The following SNX27 variants were observed in gnomAD, a reference collection of about 807,000 sequenced individuals.
SNX27 encodes the protein sorting nexin 27, also known as sorting nexin-27.
Under a neutral mutation model 71.6 loss-of-function variants are expected in SNX27, and 22 were observed. The ratio of observed to expected loss-of-function variants is 0.31; its 90% CI spans 0.22 to 0.44. The LOEUF is 0.44. Ranked by LOEUF, SNX27 falls within the 20% of genes least tolerant of loss-of-function variation. The pLI, the probability that SNX27 is intolerant of heterozygous loss-of-function variation, is 1.00. For missense variants in SNX27, 531 were observed against 698.6 expected, an observed-to-expected ratio of 0.76 and a Z score of 2.70; for synonymous variants, 269 against 277.2, an observed-to-expected ratio of 0.97 and a Z score of 0.29.
intron 1 of SNX27, among the ~76,000 whole-genome samples, chr1:151,632,206 G>C (rs1383124551): frequency 6.6e-6 from 1 of 151,590 alleles, no homozygotes; most frequent in Non-Finnish European, 1.5e-5. Context: ...TGCCCAGGCT[G>C]GAGTGCAGTG....
chr1:151,667,622 G>A (rs1182711353), intron 6 of SNX27, among the ~76,000 whole-genome samples: 2 of 151,780 alleles, frequency 1.3e-5, no homozygotes, highest in African/African-American at 4.8e-5. Flanking sequence ...TCAGGAGATC[G>A]AGACCATCCC....
intron 7 of SNX27, among the ~76,000 whole-genome samples, chr1:151,682,846 C>G (rs985297491): frequency 1.3e-5 from 2 of 152,046 alleles, no homozygotes; most frequent in African/African-American, 4.8e-5. Context: ...ACTAGGCTGG[C>G]CAATGTAGTG....
At chr1:151,660,613 T>C (rs1483348038) in intron 3 of SNX27, 185 bp from the exon 4 acceptor site, 5 of 572,032 alleles carry the variant, frequency 8.7e-6, no homozygotes, top group Non-Finnish European at 1.6e-5. Context: ...TCTGATCATA[T>C]TTAGATGAAT....
At chr1:151,693,646 A>G in intron 11 of SNX27, 163 bp downstream of exon 11, 1 of 1,613,204 alleles carries the variant, frequency 6.2e-7, no homozygotes, top group Non-Finnish European at 8.5e-7. Context: ...TCTTCCAGCA[A>G]GGTTGGCCTC....
In SNX27 at chr1:151,619,811, A is replaced by G. The variant is rs1667591108; in HGVS notation, c.311+7299A>G. On this transcript the variant is annotated intron_variant, in intron 1 of 11. Coordinates refer to ENST00000458013, the MANE Select transcript of SNX27 (RefSeq NM_001330723.2). ...GGTTCCACAAGTAAGCACACACTGT[A>G]TATAAAGAACTGCTTGGCTTGTATG... is the stretch of plus-strand genomic sequence containing the variant. Among the ~76,000 whole-genome samples the G allele has an allele frequency of 2.6e-5, 4 of 152,214 alleles. No individual in the cohort carries two copies. In the South Asian group the frequency reaches 8.3e-4, roughly 32 times the overall value.
chr1:151,630,230 G>T (rs925611988), intron 1 of SNX27, among the ~76,000 whole-genome samples: 8 of 151,902 alleles, frequency 5.3e-5, no homozygotes, highest in Non-Finnish European at 8.8e-5. Flanking sequence ...TCATATTTTG[G>T]TCATTGCCTT....
chr1:151,675,298 A>G (rs1488977360), intron 7 of SNX27, among the ~76,000 whole-genome samples: 1 of 152,064 alleles, frequency 6.6e-6, no homozygotes, highest in African/African-American at 2.4e-5. Flanking sequence ...AAGAGTTGAT[A>G]CTTGTTTTTA....
chr1:151,617,353 A>G (rs927042203), intron 1 of SNX27, among the ~76,000 whole-genome samples: 2 of 151,974 alleles, frequency 1.3e-5, no homozygotes, highest in African/African-American at 2.4e-5. Flanking sequence ...ATCTCGGCTC[A>G]CTGCAACCTC....
chr1:151,667,676 A>T (rs1670263127), intron 6 of SNX27, among the ~76,000 whole-genome samples: 1 of 151,704 alleles, frequency 6.6e-6, no homozygotes, highest in Non-Finnish European at 1.5e-5. Context: ...AAATACAAAA[A>T]ATTAGCCGGG....
chr1:151,651,620 G>GCGCTC (rs1182218485), intron 2 of SNX27, among the ~76,000 whole-genome samples: 1 of 151,576 alleles, frequency 6.6e-6, no homozygotes, highest in African/African-American at 2.4e-5. Flanking sequence ...CGGGGCAGAG[G>GCGCTC]CGCTCCCCAC....
intron 7 of SNX27, among the ~76,000 whole-genome samples, chr1:151,670,674 C>G (rs6658837): frequency 0.021 from 3,182 of 151,986 alleles, 109 homozygotes; most frequent in African/African-American, 0.073. Flanking sequence ...CTTATATATT[C>G]TGATTATTAA....
intron 7 of SNX27, chr1:151,676,821 C>G (rs1279960154): frequency 6.6e-6 from 1 of 151,940 alleles, no homozygotes; most frequent in Non-Finnish European, 1.5e-5. Flanking sequence ...AATGGTTGGT[C>G]TAAGTTAAAT....
At chr1:151,661,073 C>T (rs2102681916) in intron 4 of SNX27, 2 of 495,692 alleles carry the variant, frequency 4.0e-6, no homozygotes, top group Non-Finnish European at 7.3e-6. Context: ...CTCTTTGAAA[C>T]CATCCCTGAT....
intron 2 of SNX27, among the ~76,000 whole-genome samples, chr1:151,648,516 T>C (rs1250617420): frequency 6.6e-6 from 1 of 151,864 alleles, no homozygotes; most frequent in Non-Finnish European, 1.5e-5. Flanking sequence ...ACCTCCCAGA[T>C]TCAAGCAATT....
chr1:151,685,206 A>G (rs946646779), intron 8 of SNX27: 4 of 152,276 alleles, frequency 2.6e-5, no homozygotes, highest in Admixed American at 2.6e-4. Flanking sequence ...CTGCACACAC[A>G]TTGTTTTCAC....
chr1:151,672,743 A>G (rs1282768622), intron 7 of SNX27, among the ~76,000 whole-genome samples: 2 of 152,032 alleles, frequency 1.3e-5, no homozygotes, highest in South Asian at 2.1e-4. Context: ...CTAGGAATTT[A>G]TCCATTTCTT....
intron 1 of SNX27, among the ~76,000 whole-genome samples, chr1:151,633,732 G>A (rs954578242): frequency 2.0e-5 from 3 of 152,180 alleles, no homozygotes; most frequent in Non-Finnish European, 4.4e-5. Flanking sequence ...ATTCTTTTCT[G>A]TCTCACTTTC....
rs561758269 is a variant in SNX27, at chr1:151,697,279, A to C, written c.*2862A>C. ...ACTGTAAAAATAGCAATTTGCCCCT[A>C]CTCGCTCAGAGTGGGACAGTAGTGA... On this transcript the variant is annotated 3_prime_UTR_variant, in exon 12 of 12. Transcript: ENST00000458013. 3.9e-5 allele frequency: 6 copies of C among 152,238 alleles called. No homozygotes were observed. The East Asian group carries it at 7.7e-4, about 20-fold the overall frequency. 9.4% of individuals were successfully genotyped at this position (152,238 alleles called of 1,614,324 possible).
chr1:151,648,039 TTTTTTTGTTTTTTG>T (rs905853962), intron 2 of SNX27, among the ~76,000 whole-genome samples: 2 of 151,282 alleles, frequency 1.3e-5, no homozygotes, highest in Non-Finnish European at 2.9e-5. Flanking sequence ...AGAGTCGGGG[TTTTTTTGTTTTTTG>T]TTTTTTGTTT....
Sources: gnomAD v4.1 joint callset for allele counts (sites outside exome capture counted in the v4.1 genomes callset) on GRCh38, gnomAD v4.1.1 for gene constraint, MANE v1.5 for transcripts, NCBI Gene and HGNC (gene_info 2026-07-23, HGNC 2026-07-21) for gene names.